COL22A1: variants seen among roughly 807,000 people sequenced by gnomAD.
COL22A1 encodes the protein collagen type XXII alpha 1 chain, also known as collagen alpha-1(XXII) chain.
Under a neutral mutation model 248.9 loss-of-function variants are expected in COL22A1, and 221 were observed. The observed-to-expected ratio is 0.89, with a 90% confidence interval of 0.80 to 0.99. The LOEUF is 0.99. Among genes scored for constraint, COL22A1 ranks in the 50% least tolerant of loss-of-function variants. The pLI is 0.00. For synonymous variants in COL22A1, 891 were observed against 793.4 expected, an observed-to-expected ratio of 1.12 and a Z score of -2.07; for missense variants, 2,240 against 2,179.0, an observed-to-expected ratio of 1.03 and a Z score of -0.56.
intron 6 of COL22A1, among the ~76,000 whole-genome samples, chr8:138,826,364 C>T (rs1001234018): frequency 7.9e-5 from 12 of 152,170 alleles, no homozygotes. Context: ...CACAGGACAG[C>T]AGAGTTGGTG....
chr8:138,643,800 A>T (rs1821956836), intron 47 of COL22A1, among the ~76,000 whole-genome samples: 1 of 152,132 alleles, frequency 6.6e-6, no homozygotes, highest in African/African-American at 2.4e-5. Context: ...CCCGGGTTCA[A>T]GCGATTCTTA....
At chr8:138,702,264 T>A (rs545396166) in intron 31 of COL22A1, among the ~76,000 whole-genome samples, 13 of 152,312 alleles carry the variant, frequency 8.5e-5, no homozygotes, top group African/African-American at 2.9e-4. Flanking sequence ...TAAACAAAAA[T>A]TTGATATGAC....
intron 58 of COL22A1, 34 bp downstream of exon 58, chr8:138,606,347 G>C: frequency 6.3e-7 from 1 of 1,589,540 alleles, no homozygotes; most frequent in South Asian, 1.1e-5. Context: ...CCTGGAGCCA[G>C]GTATCTTGGG....
At position 138,890,880 on chromosome 8, in the gene COL22A1, G is replaced by A. The variant is rs147351609; in HGVS notation, c.-72-7636C>T. On this transcript the variant is annotated intron_variant, in intron 1 of 64. Coordinates refer to ENST00000303045, the MANE Select transcript of COL22A1 (RefSeq NM_152888.3). ...TACAAAGAAAAAAAAAAAACTAGCC[G>A]GGCATGGCAGCATGAGCCTGTAGTC... is the stretch of plus-strand genomic sequence containing the variant. Among the ~76,000 whole-genome samples, 537 of 151,948 alleles carry A rather than the reference G, an allele frequency of 3.5e-3. 10 individuals are homozygous for A. Among genetic ancestry groups the A allele is most frequent in the Admixed American group, 0.025 (380 of 15,266 alleles).
intron 10 of COL22A1, among the ~76,000 whole-genome samples, chr8:138,805,091 T>C (rs1348808519): frequency 8.1e-6 from 1 of 122,802 alleles, no homozygotes; most frequent in African/African-American, 3.4e-5. Flanking sequence ...GTGTAGGTAA[T>C]GGTGTATGGT....
intron 3 of COL22A1, among the ~76,000 whole-genome samples, chr8:138,865,550 TGTGA>T (rs1768228706): frequency 6.6e-6 from 1 of 151,166 alleles, no homozygotes; most frequent in Non-Finnish European, 1.5e-5. Flanking sequence ...TTTGTATGCC[TGTGA>T]GTGTATGTGT....
At chr8:138,690,724 C>T (rs1041429815) in intron 36 of COL22A1, 97 bp downstream of exon 36, 6 of 915,026 alleles carry the variant, frequency 6.6e-6, no homozygotes, top group Non-Finnish European at 8.0e-6. Context: ...AGGATCCTCC[C>T]CTTACTCCCA....
chr8:138,663,172 C>T (rs1445864305), intron 42 of COL22A1, among the ~76,000 whole-genome samples: 1 of 152,232 alleles, frequency 6.6e-6, no homozygotes, highest in Non-Finnish European at 1.5e-5. Context: ...TAGGAAATCG[C>T]ATTTTCCCAG....
At chr8:138,774,281 G>A (rs892953009) in intron 16 of COL22A1, among the ~76,000 whole-genome samples, 5 of 152,128 alleles carry the variant, frequency 3.3e-5, no homozygotes, top group East Asian at 1.9e-4. Flanking sequence ...AGAAAGCAAC[G>A]TGAGCGAGCC....
intron 7 of COL22A1, among the ~76,000 whole-genome samples, chr8:138,815,764 C>T (rs1021668257): frequency 7.9e-5 from 12 of 152,118 alleles, no homozygotes; most frequent in Middle Eastern, 3.2e-3. Context: ...GCTGGGTGGA[C>T]GAGTGGATGA....
intron 11 of COL22A1, among the ~76,000 whole-genome samples, chr8:138,797,562 T>C (rs910100111): frequency 3.9e-5 from 6 of 152,362 alleles, no homozygotes; most frequent in Middle Eastern, 3.4e-3. Flanking sequence ...TGAAAGTTTT[T>C]GTGTAAACAT....
intron 10 of COL22A1, among the ~76,000 whole-genome samples, chr8:138,805,102 GGT>G (rs1349292516): frequency 7.8e-5 from 11 of 141,046 alleles, no homozygotes; most frequent in African/African-American, 2.2e-4. Flanking sequence ...GGTGTATGGT[GGT>G]GTGTGTGTGA....
chr8:138,745,278 C>A (rs570118428), intron 22 of COL22A1, among the ~76,000 whole-genome samples: 22 of 151,940 alleles, frequency 1.4e-4, no homozygotes, highest in Admixed American at 4.6e-4. Flanking sequence ...CAAGGCAGGG[C>A]GTAAGAAGGG....
chr8:138,903,578 C>G (rs1422162342), intron 1 of COL22A1, among the ~76,000 whole-genome samples: 1 of 152,128 alleles, frequency 6.6e-6, no homozygotes, highest in Non-Finnish European at 1.5e-5. Flanking sequence ...TCACCTGGCG[C>G]CCTGCTTGGC....
At chr8:138,833,259 A>G in intron 4 of COL22A1, 109 bp from the exon 5 acceptor site, 1 of 741,242 alleles carries the variant, frequency 1.3e-6, no homozygotes, top group Non-Finnish European at 2.4e-6. Flanking sequence ...CTGCCCCAGG[A>G]GAACAGATCG....
At chr8:138,707,587 C>T (rs1434262532) in intron 30 of COL22A1, among the ~76,000 whole-genome samples, 10 of 152,136 alleles carry the variant, frequency 6.6e-5, no homozygotes, top group Non-Finnish European at 1.0e-4. Context: ...AATTCAACAA[C>T]GCTTCATGCT....
chr8:138,691,594 GGTGT>G (rs1165372256), intron 35 of COL22A1, among the ~76,000 whole-genome samples: 1 of 144,490 alleles, frequency 6.9e-6, no homozygotes, highest in African/African-American at 2.6e-5. Context: ...CATTTGTGAA[GGTGT>G]GTGTGCATGC....
intron 47 of COL22A1, among the ~76,000 whole-genome samples, chr8:138,641,052 C>A (rs1217294133): frequency 1.3e-5 from 2 of 152,164 alleles, no homozygotes; most frequent in Non-Finnish European, 1.5e-5. Flanking sequence ...AAAGGAATGG[C>A]CCATATCTGA....
chr8:138,688,594 G>A (rs570678015), intron 37 of COL22A1, among the ~76,000 whole-genome samples: 38 of 152,178 alleles, frequency 2.5e-4, no homozygotes, highest in Admixed American at 5.2e-4. Flanking sequence ...ATAAGTTGGT[G>A]CACTGAATTG....
Sources: gnomAD v4.1 joint callset for allele counts (sites outside exome capture counted in the v4.1 genomes callset) on GRCh38, gnomAD v4.1.1 for gene constraint, MANE v1.5 for transcripts, NCBI Gene and HGNC (gene_info 2026-07-23, HGNC 2026-07-21) for gene names.